Variants in RTCA observed in about 807,000 individuals in gnomAD.
RTCA encodes RNA terminal phosphate cyclase domain 1.
In RTCA, 37 loss-of-function variants were observed where a neutral mutation model predicts 46.1. The observed-to-expected ratio is 0.80, with a 90% confidence interval of 0.62 to 1.06. The LOEUF (loss-of-function observed/expected upper bound fraction) is 1.06. Among genes scored for constraint, RTCA ranks in the 50% least tolerant of loss-of-function variants. RTCA has a pLI of 0.00. For synonymous variants in RTCA, 164 were observed against 158.3 expected, an observed-to-expected ratio of 1.04 and a Z score of -0.27; for missense variants, 435 against 455.5, an observed-to-expected ratio of 0.95 and a Z score of 0.41.
chr1:100,281,526 G>A (rs1666705529), intron 8 of RTCA, among the ~76,000 whole-genome samples: 1 of 152,170 alleles, frequency 6.6e-6, no homozygotes, highest in African/African-American at 2.4e-5. Flanking sequence ...GTATCTGTGT[G>A]ATCTTTCATT....
At chr1:100,290,691 A>T (rs1570895374) in intron 10 of RTCA, among the ~76,000 whole-genome samples, 1 of 152,122 alleles carries the variant, frequency 6.6e-6, no homozygotes, top group African/African-American at 2.4e-5. Flanking sequence ...CCTTGAACCC[A>T]GGAAGTTGAG....
At chr1:100,271,742 T>C (rs1422762095) in intron 4 of RTCA, among the ~76,000 whole-genome samples, 2 of 152,204 alleles carry the variant, frequency 1.3e-5, no homozygotes, top group African/African-American at 4.8e-5. Flanking sequence ...TGCAGTTCTG[T>C]GATTTTTGAC....
At chr1:100,267,498 A>T (rs1376719663) in intron 2 of RTCA, 4 of 1,534,386 alleles carry the variant, frequency 2.6e-6, no homozygotes, top group Non-Finnish European at 3.5e-6. Context: ...ATTTCCTCAC[A>T]GTTCTGGAGG....
At chr1:100,267,318 C>T (rs1570869840) in intron 2 of RTCA, 2 of 538,132 alleles carry the variant, frequency 3.7e-6, no homozygotes. Flanking sequence ...TTGAAATTAC[C>T]AAAAGGCAAT....
At chr1:100,268,395 A>G in intron 3 of RTCA, 100 bp downstream of exon 3, 1 of 970,470 alleles carries the variant, frequency 1.0e-6, no homozygotes, top group South Asian at 1.9e-5. Flanking sequence ...TTGTTTCCCT[A>G]CTTTTATGTT....
chr1:100,284,566 G>A (rs975362631), intron 8 of RTCA, among the ~76,000 whole-genome samples: 3 of 151,766 alleles, frequency 2.0e-5, no homozygotes, highest in Non-Finnish European at 2.9e-5. Flanking sequence ...GCTAAATTTT[G>A]TATTTTTAGT....
chr1:100,267,331 C>T, intron 2 of RTCA: 1 of 602,462 alleles, frequency 1.7e-6, no homozygotes. Flanking sequence ...AAGGCAATTA[C>T]TGATATGTTA....
chr1:100,280,056 C>T (rs1043196012), intron 8 of RTCA, among the ~76,000 whole-genome samples: 3 of 152,072 alleles, frequency 2.0e-5, no homozygotes, highest in African/African-American at 4.8e-5. Flanking sequence ...ATGGTAAGGG[C>T]CTGTGCCAAG....
Position 100,267,406 on chromosome 1 carries a change from A to C in RTCA, c.147-746A>C, listed in dbSNP as rs911833785. On this transcript the variant is annotated intron_variant, in intron 2 of 10. Coordinates refer to ENST00000370128, the MANE Select transcript of RTCA (RefSeq NM_003729.4). ...CACCAACAGGGGAATCCAATTCATTAGGCTGTAGGTGTTGTATTAGTTTGC... is the reference window on the plus strand; with the variant it reads ...CACCAACAGGGGAATCCAATTCATTCGGCTGTAGGTGTTGTATTAGTTTGC... 4.0e-6 allele frequency: 5 copies of C among 1,257,780 alleles called. No individual in the cohort carries two copies. In the African/African-American group the frequency reaches 7.6e-5, roughly 19 times the overall value. 77.9% of individuals were successfully genotyped at this position (1,257,780 alleles called of 1,614,324 possible).
At chr1:100,268,125 G>C (rs760341697) in intron 2 of RTCA, 27 bp from the exon 3 acceptor site, 6 of 1,611,826 alleles carry the variant, frequency 3.7e-6, no homozygotes, top group Non-Finnish European at 5.1e-6. Flanking sequence ...GAATGCACAC[G>C]TTTTGATGCA....
Position 100,266,271 on chromosome 1 carries a change from G to A in RTCA, c.-105G>A. ...TTCTCGTCAGGCTCCTGCGCCCCAG[G>A]CATGAACCAAGGTTTCTGAACTACT... On this transcript the variant is annotated 5_prime_UTR_variant, in exon 1 of 11. Transcript: ENST00000370128. 7.0e-7 allele frequency: 1 copy of A among 1,419,656 alleles called. No homozygotes were observed. Among genetic ancestry groups the A allele is most frequent in the South Asian group, 1.2e-5 (1 of 80,108 alleles). 87.9% of individuals were successfully genotyped at this position (1,419,656 alleles called of 1,614,324 possible). A position where few individuals can be genotyped will look rare whatever the true frequency, so the allele number is the denominator to read the frequency against.
intron 8 of RTCA, 28 bp downstream of exon 8, chr1:100,277,344 T>G: frequency 2.5e-6 from 4 of 1,573,772 alleles, no homozygotes; most frequent in Non-Finnish European, 3.5e-6. Context: ...GGTCCATAGT[T>G]CCCAATGCTA....
intron 10 of RTCA, among the ~76,000 whole-genome samples, chr1:100,288,063 T>C (rs1024070241): frequency 1.3e-5 from 2 of 152,120 alleles, no homozygotes; most frequent in East Asian, 1.9e-4. Context: ...CAAAGTGTTG[T>C]GATTATAGGT....
intron 10 of RTCA, among the ~76,000 whole-genome samples, chr1:100,290,112 C>T (rs528429940): frequency 9.2e-5 from 14 of 152,156 alleles, no homozygotes; most frequent in Non-Finnish European, 1.5e-4. Context: ...CAGTACATTA[C>T]CATGTAATGC....
intron 8 of RTCA, among the ~76,000 whole-genome samples, chr1:100,281,548 A>C (rs1666706132): frequency 1.3e-5 from 2 of 152,090 alleles, no homozygotes; most frequent in African/African-American, 2.4e-5. Context: ...CTCTTATCTT[A>C]CAGTTAGTTA....
At chr1:100,267,650 A>ATTTTT in intron 2 of RTCA, 1 of 752,942 alleles carries the variant, frequency 1.3e-6, no homozygotes, top group Non-Finnish European at 1.7e-6. Context: ...TGTATGTTCT[A>ATTTTT]GTTTTTTTTT....
chr1:100,274,835 CA>C lies in RTCA; in HGVS notation c.489del (p.Gly165ValfsTer4). The C allele has an allele frequency of 6.2e-7, 1 of 1,610,880 alleles. No individual in the cohort carries two copies. The highest frequency in any genetic ancestry group is 8.5e-7 in the Non-Finnish European group (1 of 1,177,872). On this transcript the variant is annotated frameshift_variant, in exon 6 of 11. Transcript: ENST00000370128. LOFTEE classifies it high-confidence loss of function. Reference protein sequence around the residue: ...NCDIKTRGYYPKGGGEVIVRM... With the variant: ...NCDIKTRGYYXKGGGEVIVRM... ...TATACTTTTCATAGGGGATATTACC[CA>C]AAAGGGGGTGGTGAAGTGATTGTTC... is the stretch of plus-strand genomic sequence containing the variant.
intron 6 of RTCA, among the ~76,000 whole-genome samples, chr1:100,275,233 G>A (rs780980787): frequency 7.2e-5 from 11 of 152,140 alleles, no homozygotes; most frequent in Non-Finnish European, 1.2e-4. Context: ...GACTGCTAAT[G>A]GGAGGAGGGT....
At chr1:100,279,159 T>G (rs187338644) in intron 8 of RTCA, among the ~76,000 whole-genome samples, 1 of 152,318 alleles carries the variant, frequency 6.6e-6, no homozygotes, top group Non-Finnish European at 1.5e-5. Context: ...TAATAAGTAC[T>G]TAGCAGGCAT....
Sources: allele counts gnomAD v4.1 joint callset (sites outside exome capture counted in the v4.1 genomes callset), GRCh38; gene constraint gnomAD v4.1.1; transcripts MANE v1.5; gene names NCBI Gene and HGNC (gene_info 2026-07-23, HGNC 2026-07-21).